PTPRD: variants seen among roughly 807,000 people sequenced by gnomAD.
The protein encoded by PTPRD is protein tyrosine phosphatase receptor type D, also known as receptor-type tyrosine-protein phosphatase delta.
Under a neutral mutation model 214.5 loss-of-function variants are expected in PTPRD, and 34 were observed. The observed-to-expected ratio is 0.16, with a 90% confidence interval of 0.12 to 0.21. The LOEUF is 0.21. Ranked by LOEUF, PTPRD falls within the 10% of genes least tolerant of loss-of-function variation. The probability of loss-of-function intolerance (pLI) is 1.00; values close to 1 mark genes in which losing one functional copy is unlikely to be tolerated. For missense variants in PTPRD, 2,545 were observed against 2,398.7 expected, an observed-to-expected ratio of 1.06 and a Z score of -1.27; for synonymous variants, 1,128 against 845.7, an observed-to-expected ratio of 1.33 and a Z score of -5.79.
chr9:10,358,605 TAG>T (rs1280903890), intron 2 of PTPRD, among the ~76,000 whole-genome samples: 2 of 151,980 alleles, frequency 1.3e-5, no homozygotes, highest in African/African-American at 4.8e-5. Flanking sequence ...CTGAAAAATT[TAG>T]AGTTAGAAAA....
chr9:8,333,340 G>C (rs1357663755), intron 43 of PTPRD, among the ~76,000 whole-genome samples: 1 of 152,124 alleles, frequency 6.6e-6, no homozygotes, highest in African/African-American at 2.4e-5. Flanking sequence ...AGCAAGAAGA[G>C]GTCATGTGTG....
chr9:9,616,772 C>T (rs953666350), intron 7 of PTPRD, among the ~76,000 whole-genome samples: 4 of 152,160 alleles, frequency 2.6e-5, no homozygotes, highest in South Asian at 2.1e-4. Context: ...AAGTAGCCAA[C>T]CAACAGCTCT....
intron 11 of PTPRD, among the ~76,000 whole-genome samples, chr9:8,834,472 G>T (rs2097369697): frequency 6.6e-6 from 1 of 151,940 alleles, no homozygotes; most frequent in Admixed American, 6.6e-5. Flanking sequence ...ACAACTACTT[G>T]TTCACACATT....
intron 35 of PTPRD, among the ~76,000 whole-genome samples, chr9:8,436,353 G>A (rs1044845008): frequency 2.0e-5 from 3 of 150,904 alleles, no homozygotes; most frequent in Admixed American, 6.6e-5. Flanking sequence ...ATAAAAAACA[G>A]AAAATTCATA....
chr9:10,142,680 C>A (rs1195754413), intron 3 of PTPRD, among the ~76,000 whole-genome samples: 1 of 148,462 alleles, frequency 6.7e-6, no homozygotes, highest in Non-Finnish European at 1.5e-5. Flanking sequence ...GTTGGTGGGA[C>A]TGTAAACTAG....
intron 11 of PTPRD, among the ~76,000 whole-genome samples, chr9:8,735,158 T>TG (rs2089922722): frequency 6.7e-6 from 1 of 148,188 alleles, no homozygotes; most frequent in South Asian, 2.1e-4. Flanking sequence ...TTCTGTTTTT[T>TG]TTTTTGAGAC....
At chr9:8,803,788 T>C (rs539131116) in intron 11 of PTPRD, among the ~76,000 whole-genome samples, 1 of 152,058 alleles carries the variant, frequency 6.6e-6, no homozygotes, top group Middle Eastern at 3.4e-3. Flanking sequence ...GGTAGTCCTA[T>C]TCATAATACC....
At chr9:9,636,968 T>C (rs557381970) in intron 7 of PTPRD, among the ~76,000 whole-genome samples, 2 of 151,972 alleles carry the variant, frequency 1.3e-5, no homozygotes, top group Non-Finnish European at 2.9e-5. Context: ...GAATGGTGTG[T>C]CCTCACATGG....
intron 2 of PTPRD, among the ~76,000 whole-genome samples, chr9:10,564,362 A>C: frequency 6.7e-6 from 1 of 148,502 alleles, no homozygotes; most frequent in Non-Finnish European, 1.5e-5. Context: ...AGTGAACTAT[A>C]TTTTCCCTGA....
At chr9:9,331,487 G>A (rs1242571947) in intron 9 of PTPRD, among the ~76,000 whole-genome samples, 1 of 151,946 alleles carries the variant, frequency 6.6e-6, no homozygotes, top group Admixed American at 6.6e-5. Flanking sequence ...CACAAGTTTT[G>A]TAGGAATAAA....
chr9:8,743,654 A>C (rs1385491958), intron 11 of PTPRD, among the ~76,000 whole-genome samples: 4 of 152,190 alleles, frequency 2.6e-5, no homozygotes, highest in Admixed American at 2.6e-4. Context: ...CAATTCTAGA[A>C]GATAACATCA....
At chr9:8,457,529 G>A (rs1392900591) in intron 33 of PTPRD, among the ~76,000 whole-genome samples, 1 of 151,964 alleles carries the variant, frequency 6.6e-6, no homozygotes, top group East Asian at 1.9e-4. Flanking sequence ...TAAATGAACA[G>A]AATGCCAGAT....
chr9:8,867,398 GT>G (rs1415808023), intron 11 of PTPRD, among the ~76,000 whole-genome samples: 2 of 152,150 alleles, frequency 1.3e-5, no homozygotes, highest in African/African-American at 4.8e-5. Context: ...GAAGCAGACT[GT>G]TCTGAAAAGA....
At position 9,653,160 on chromosome 9, in the gene PTPRD, G is replaced by A. The variant is rs574678844; in HGVS notation, c.-286-78379C>T. On this transcript the variant is annotated intron_variant, in intron 7 of 45. Transcript: ENST00000381196. The stretch of plus-strand genomic sequence containing the variant: ...GATCGAGACCATCCTGGCTAACAAG[G>A]TGAAACCCCGTCTCTACTAAAAATA... Among the ~76,000 whole-genome samples, 107 of 148,266 alleles carry A rather than the reference G, an allele frequency of 7.2e-4. 1 individual carries two copies. The highest frequency in any genetic ancestry group is 1.2e-3 in the Non-Finnish European group (82 of 67,454).
chr9:8,478,762 T>C (rs1196766174), intron 30 of PTPRD, among the ~76,000 whole-genome samples: 7 of 152,314 alleles, frequency 4.6e-5, no homozygotes. Context: ...GGAACTCTCC[T>C]GATGTGGCAC....
intron 9 of PTPRD, among the ~76,000 whole-genome samples, chr9:9,228,881 C>T (rs1034947317): frequency 2.0e-5 from 3 of 152,044 alleles, no homozygotes; most frequent in African/African-American, 7.2e-5. Flanking sequence ...AAGCAGGCTC[C>T]ACAAACAGTA....
intron 5 of PTPRD, among the ~76,000 whole-genome samples, chr9:9,902,804 A>C (rs1416272562): frequency 6.6e-6 from 1 of 152,168 alleles, no homozygotes; most frequent in African/African-American, 2.4e-5. Flanking sequence ...TCTTTCATTC[A>C]CAAACTTTTT....
intron 27 of PTPRD, among the ~76,000 whole-genome samples, chr9:8,487,188 G>A (rs1213890999): frequency 6.6e-6 from 1 of 152,050 alleles, no homozygotes; most frequent in African/African-American, 2.4e-5. Flanking sequence ...ATGAGGTTCT[G>A]CATTCTATCA....
chr9:9,911,994 G>A (rs1297863120), intron 5 of PTPRD, among the ~76,000 whole-genome samples: 1 of 151,904 alleles, frequency 6.6e-6, no homozygotes, highest in African/African-American at 2.4e-5. Context: ...TCTTAATAAT[G>A]TTTATTTATT....
Sources: allele counts gnomAD v4.1 joint callset (sites outside exome capture counted in the v4.1 genomes callset), GRCh38; gene constraint gnomAD v4.1.1; transcripts MANE v1.5; gene names NCBI Gene and HGNC (gene_info 2026-07-23, HGNC 2026-07-21).